Variants in RLN2 observed in about 807,000 individuals in gnomAD.
RLN2 encodes relaxin 2.
RLN2 carries 10 observed loss-of-function variants against 7.3 expected under a neutral mutation model. The ratio of observed to expected loss-of-function variants is 1.36; its 90% CI spans 0.84 to 2.31. RLN2 has a LOEUF of 2.31. Ranked by LOEUF, RLN2 falls within the 30% of genes most tolerant of loss-of-function variation. The pLI is 0.00. For missense variants in RLN2, 298 were observed against 217.6 expected, an observed-to-expected ratio of 1.37 and a Z score of -2.32; for synonymous variants, 103 against 82.3, an observed-to-expected ratio of 1.25 and a Z score of -1.36.
chr9:5,304,593 C>T lies in RLN2; in HGVS notation c.-13G>A, dbSNP rs372892786. ...ACAGGCGAGGCATCCTGGGCCTGGT[C>T]TCTCCTGGAGGTCGGGACGTTGCAG... On this transcript the variant is annotated 5_prime_UTR_variant, in exon 1 of 2. Transcript: ENST00000381627. 1 of 1,613,102 alleles carries T rather than the reference C, an allele frequency of 6.2e-7. No individual in the cohort carries two copies. Among genetic ancestry groups the T allele is most frequent in the Admixed American group, 1.7e-5 (1 of 60,002 alleles).
Position 5,300,437 on chromosome 9 carries a change from C to G in RLN2, c.219G>C (p.Val73=). The G allele has an allele frequency of 2.8e-5, 44 of 1,594,430 alleles. No homozygotes were observed. Among genetic ancestry groups the G allele is most frequent in the Non-Finnish European group, 3.8e-5 (44 of 1,171,136 alleles). ...CTGTATCTTTGTTGATGAAGGATGG[C>G]ACAATTTCTGTTAAATTTAAAAAAA... ...PQTPRPVAEI[V]PSFINKDTET... is the part of the protein sequence containing the mutation. Residue 73 remains valine (V), a synonymous_variant, in exon 2 of 2, where the codon GTG becomes GTC. Coordinates refer to ENST00000381627, the MANE Select transcript of RLN2 (RefSeq NM_134441.3).
chr9:5,320,653 G>C, the RLN2 span, among the ~76,000 whole-genome samples: 3 of 152,082 alleles, frequency 2.0e-5, no homozygotes, highest in Admixed American at 1.3e-4. Context: ...TTATAGGCAT[G>C]AGCCACCATG....
intron 1 of RLN2, among the ~76,000 whole-genome samples, chr9:5,301,494 T>C (rs1395311753): frequency 1.3e-5 from 2 of 152,256 alleles, no homozygotes; most frequent in Non-Finnish European, 2.9e-5. Context: ...TACAACTTAA[T>C]AGTTTTATTT....
At chr9:5,315,995 A>C in the RLN2 span, among the ~76,000 whole-genome samples, 1 of 152,052 alleles carries the variant, frequency 6.6e-6, no homozygotes, top group Non-Finnish European at 1.5e-5. Flanking sequence ...ACTAATATGA[A>C]GATATAAGAG....
At chr9:5,307,593 G>C (rs763717020), upstream of RLN2, among the ~76,000 whole-genome samples, 4 of 152,016 alleles carry the variant, frequency 2.6e-5, no homozygotes, top group African/African-American at 9.7e-5. Context: ...GACAGGATGA[G>C]GGATGTGGGT....
chr9:5,315,274 A>G, the RLN2 span, among the ~76,000 whole-genome samples: 4 of 151,950 alleles, frequency 2.6e-5, no homozygotes, highest in Admixed American at 2.6e-4. Flanking sequence ...AGAAGAAAAC[A>G]GAAATCTTAG....
the RLN2 span, among the ~76,000 whole-genome samples, chr9:5,318,470 C>T: frequency 1.5e-4 from 22 of 151,694 alleles, no homozygotes; most frequent in East Asian, 7.8e-4. Context: ...GCTGTAAAAC[C>T]CCAATATGGT....
At chr9:5,316,967 AGTT>A in the RLN2 span, among the ~76,000 whole-genome samples, 1 of 152,082 alleles carries the variant, frequency 6.6e-6, no homozygotes, top group Non-Finnish European at 1.5e-5. Flanking sequence ...TAAAGTCTAG[AGTT>A]GTTGTATGGG....
chr9:5,306,109 G>GTTTTTTTTTTTTTTT (rs199949652), upstream of RLN2, among the ~76,000 whole-genome samples: 1 of 131,510 alleles, frequency 7.6e-6, no homozygotes, highest in East Asian at 2.2e-4. Context: ...TTTGTTTTTT[G>GTTTTTTTTTTTTTTT]TTTTTTTTTT....
At chr9:5,308,545 A>G (rs1268935143), upstream of RLN2, among the ~76,000 whole-genome samples, 1 of 152,012 alleles carries the variant, frequency 6.6e-6, no homozygotes, top group Non-Finnish European at 1.5e-5. Context: ...TGACCATACA[A>G]TCCAGCCATT....
chr9:5,319,338 A>G, the RLN2 span, among the ~76,000 whole-genome samples: 1 of 152,004 alleles, frequency 6.6e-6, no homozygotes, highest in African/African-American at 2.4e-5. Context: ...ACTTTCTAAC[A>G]TAGCCATTGA....
Position 5,304,450 on chromosome 9 carries a change from A to G in RLN2, c.131T>C (p.Ile44Thr), listed in dbSNP as rs762829707. 1.2e-6 allele frequency: 2 copies of G among 1,613,180 alleles called. No individual in the cohort carries two copies. The highest frequency in any genetic ancestry group is 2.2e-5 in the East Asian group (1 of 44,806). Residue 44 changes from isoleucine to threonine, a missense_variant, in exon 1 of 2, where the codon ATT (isoleucine) becomes ACT (threonine). Ile to Thr is a moderately conservative substitution (Grantham distance 89). Transcript: ENST00000381627. ...CCAGGTGCTCATGCCGCAAATGGCA[A>G]TCTGCGCGCGAACTAATTCGCGGCC... ...LCGRELVRAQ[I>T]AICGMSTWSK...
chr9:5,335,311 T>C, the RLN2 span: 1 of 1,608,824 alleles, frequency 6.2e-7, no homozygotes, highest in Non-Finnish European at 8.5e-7. Context: ...TCTCAAACAG[T>C]GCCACGTAGG....
the RLN2 span, among the ~76,000 whole-genome samples, chr9:5,322,410 A>T: frequency 6.6e-6 from 1 of 152,052 alleles, no homozygotes. Flanking sequence ...TAGTTACTGA[A>T]CTACATAAAA....
the RLN2 span, among the ~76,000 whole-genome samples, chr9:5,313,399 C>T: frequency 6.6e-6 from 1 of 151,978 alleles, no homozygotes; most frequent in African/African-American, 2.4e-5. Flanking sequence ...TGATTTCTTT[C>T]GGTTTCCCTT....
chr9:5,305,264 T>A (rs550160577), upstream of RLN2, among the ~76,000 whole-genome samples: 2 of 151,836 alleles, frequency 1.3e-5, no homozygotes, highest in African/African-American at 4.8e-5. Context: ...CATTGCACTT[T>A]CCTTCCACTC....
the RLN2 span, among the ~76,000 whole-genome samples, chr9:5,321,469 ACTGT>A: frequency 6.6e-6 from 1 of 152,118 alleles, no homozygotes; most frequent in Admixed American, 6.6e-5. Flanking sequence ...TTCTTTAGAT[ACTGT>A]CTGTCATTTT....
At chr9:5,305,643 C>T (rs556146657), upstream of RLN2, among the ~76,000 whole-genome samples, 42 of 152,032 alleles carry the variant, frequency 2.8e-4, 1 homozygote, top group South Asian at 6.2e-3. Flanking sequence ...ATTTTTAGTA[C>T]AAGTAGGTTC....
the RLN2 span, among the ~76,000 whole-genome samples, chr9:5,320,573 G>C: frequency 6.6e-6 from 1 of 151,708 alleles, no homozygotes; most frequent in South Asian, 2.1e-4. Flanking sequence ...GTTTCACCAT[G>C]TGGGCCAGGC....
Sources: gnomAD v4.1 joint callset for allele counts (sites outside exome capture counted in the v4.1 genomes callset) on GRCh38, gnomAD v4.1.1 for gene constraint, MANE v1.5 for transcripts, NCBI Gene and HGNC (gene_info 2026-07-23, HGNC 2026-07-21) for gene names.